CAPN3: variants seen among roughly 807,000 people sequenced by gnomAD.
The protein encoded by CAPN3 is calpain-3.
CAPN3 carries 88 observed loss-of-function variants against 114.0 expected under a neutral mutation model. The observed-to-expected ratio is 0.77, with a 90% CI of 0.65 to 0.92. The LOEUF is 0.92. CAPN3 is among the 40% of genes least tolerant of loss of function. CAPN3 has a pLI of 0.00. For missense variants in CAPN3, 1,028 were observed against 1,069.0 expected, an observed-to-expected ratio of 0.96 and a Z score of 0.53; for synonymous variants, 386 against 382.9, an observed-to-expected ratio of 1.01 and a Z score of -0.09.
chr15:42,365,303 C>T (rs1251523859), intron 1 of CAPN3, among the ~76,000 whole-genome samples: 3 of 152,174 alleles, frequency 2.0e-5, no homozygotes, highest in African/African-American at 7.2e-5. Flanking sequence ...GTTCACAGCC[C>T]TGAATCGGAG....
At chr15:42,376,219 T>C (rs927651838) in intron 1 of CAPN3, among the ~76,000 whole-genome samples, 1 of 152,220 alleles carries the variant, frequency 6.6e-6, no homozygotes, top group African/African-American at 2.4e-5. Context: ...GTGAAGTTAC[T>C]TCTTCCCCTC....
At chr15:42,366,180 C>T (rs537563318) in intron 1 of CAPN3, among the ~76,000 whole-genome samples, 4 of 152,244 alleles carry the variant, frequency 2.6e-5, no homozygotes, top group South Asian at 4.1e-4. Flanking sequence ...AAATGTAAAA[C>T]GTGAGGGAGA....
chr15:42,368,832 A>G (rs2052856027), intron 1 of CAPN3, among the ~76,000 whole-genome samples: 1 of 152,240 alleles, frequency 6.6e-6, no homozygotes, highest in Non-Finnish European at 1.5e-5. Context: ...CGGGTGGATC[A>G]CTTGAGCCCA....
chr15:42,404,218 TCTCA>T (rs1434491647), intron 14 of CAPN3: 4 of 457,194 alleles, frequency 8.7e-6, no homozygotes, highest in South Asian at 3.1e-5. Context: ...CTGTAATCCC[TCTCA>T]CTCAGTTTCC....
chr15:42,394,478 G>A, intron 8 of CAPN3, 137 bp downstream of exon 8: 1 of 759,794 alleles, frequency 1.3e-6, no homozygotes, highest in South Asian at 1.7e-5. Flanking sequence ...CCGCAGAGAA[G>A]AGGGGCACAG....
chr15:42,360,145 T>G lies in CAPN3; in HGVS notation c.309+31T>G, dbSNP rs28364366. 753 of 1,611,242 alleles carry G rather than the reference T, an allele frequency of 4.7e-4. 4 individuals carry two copies. The African/African-American group carries it at 8.9e-3, about 19-fold the overall frequency. On this transcript the variant is annotated intron_variant, in intron 1 of 23. Transcript: ENST00000397163. ...TAGCTTCCTGCTTGCTGGCTGGGTT[T>G]TCCCCCCACGGAGGAGTCCTCTCAC...
intron 1 of CAPN3, among the ~76,000 whole-genome samples, chr15:42,365,198 G>A (rs1336161683): frequency 6.6e-6 from 1 of 152,178 alleles, no homozygotes; most frequent in Admixed American, 6.5e-5. Context: ...TTAGCAGCTG[G>A]ATTAACCCAG....
Position 42,386,380 on chromosome 15 carries a change from CA to C in CAPN3, c.498+96del, listed in dbSNP as rs999943646. ...TTCCCAGAAGCTGGAGGAAACTTCC[CA>C]CCCATCTACCCGCAGCGGCAACAGT... On this transcript the variant is annotated intron_variant, in intron 3 of 23. Transcript: ENST00000397163. The C allele has an allele frequency of 4.1e-5, 36 of 870,892 alleles. No individual in the cohort carries two copies. The African/African-American group carries it at 4.9e-4, about 12-fold the overall frequency. 53.9% of individuals were successfully genotyped at this position (870,892 alleles called of 1,614,324 possible). A position where few individuals can be genotyped will look rare whatever the true frequency, so the allele number is the denominator to read the frequency against.
At chr15:42,375,041 A>G (rs540815656) in intron 1 of CAPN3, among the ~76,000 whole-genome samples, 4 of 148,602 alleles carry the variant, frequency 2.7e-5, no homozygotes, top group African/African-American at 7.4e-5. Flanking sequence ...ATTTATAGAG[A>G]TGGGGCCTCA....
chr15:42,372,631 T>C (rs2052982951), intron 1 of CAPN3, among the ~76,000 whole-genome samples: 2 of 152,188 alleles, frequency 1.3e-5, no homozygotes, highest in South Asian at 4.1e-4. Flanking sequence ...GCGGATTACC[T>C]GAAGTCAGGA....
intron 5 of CAPN3, among the ~76,000 whole-genome samples, chr15:42,389,623 G>A (rs778348545): frequency 6.6e-5 from 10 of 152,284 alleles, no homozygotes; most frequent in Middle Eastern, 3.4e-3. Context: ...TCCTTCAGGG[G>A]GCATGCCTTC....
Position 42,409,840 on chromosome 15 carries a change from C to T in CAPN3, c.2046C>T (p.Asn682=). 6.8e-7 allele frequency: 1 copy of T among 1,461,238 alleles called. No individual in the cohort carries two copies. Among genetic ancestry groups the T allele is most frequent in the Non-Finnish European group, 9.2e-7 (1 of 1,089,628 alleles). The allele number at this position is 1,461,238 out of a possible 1,614,324, so 90.5% of individuals were successfully genotyped here. A position where few individuals can be genotyped will look rare whatever the true frequency, so the allele number is the denominator to read the frequency against. The change falls in exon 18 of 24, where the codon AAC becomes AAT. Residue 682 remains asparagine (N), a synonymous_variant. Coordinates refer to ENST00000397163, the MANE Select transcript of CAPN3 (RefSeq NM_000070.3). ...AGAAGGTCCTTAACACAGTCGTGAA[C>T]AAACGTGAGTTGCTCAAACCAAATG... is the stretch of plus-strand genomic sequence containing the variant. The part of the protein sequence containing the change: ...ELKKVLNTVV[N]KHKDLKTHGF...
intron 7 of CAPN3, among the ~76,000 whole-genome samples, chr15:42,393,242 ATGTAAATAGTTAT>A (rs2053606364): frequency 1.3e-5 from 2 of 152,218 alleles, no homozygotes; most frequent in African/African-American, 4.8e-5. Context: ...TGGAAATGCT[ATGTAAATAGTTAT>A]TGCACTGCAT....
intron 10 of CAPN3, among the ~76,000 whole-genome samples, chr15:42,399,856 C>A (rs1315075375): frequency 2.6e-5 from 4 of 152,192 alleles, no homozygotes; most frequent in African/African-American, 4.8e-5. Context: ...ACTGTGGGAA[C>A]AATGCAGATG....
At chr15:42,383,052 C>T (rs901055372) in intron 1 of CAPN3, among the ~76,000 whole-genome samples, 3 of 152,178 alleles carry the variant, frequency 2.0e-5, no homozygotes, top group Admixed American at 6.5e-5. Context: ...TTTTTGAAAA[C>T]GATTGTTTTG....
intron 1 of CAPN3, among the ~76,000 whole-genome samples, chr15:42,368,412 C>T (rs1034065090): frequency 3.3e-5 from 5 of 152,144 alleles, no homozygotes; most frequent in Admixed American, 6.5e-5. Context: ...GGAGGAAATA[C>T]GTGTGTCAGA....
chr15:42,408,799 C>T, intron 16 of CAPN3: 1 of 312,948 alleles, frequency 3.2e-6, no homozygotes. Context: ...CAAAAGTCTC[C>T]AGACCAATCC....
intron 22 of CAPN3, 118 bp from the exon 23 acceptor site, chr15:42,411,169 T>A: frequency 9.7e-7 from 1 of 1,032,688 alleles, no homozygotes; most frequent in Non-Finnish European, 1.5e-6. Flanking sequence ...ATTCTCTGCC[T>A]GCACATCTTT....
At chr15:42,385,752 T>C (rs2053384930) in intron 2 of CAPN3, 1 of 523,076 alleles carries the variant, frequency 1.9e-6, no homozygotes, top group Non-Finnish European at 3.8e-6. Flanking sequence ...TCTCTGAGGC[T>C]CAGTCTTCGC....
Sources: allele counts gnomAD v4.1 joint callset (sites outside exome capture counted in the v4.1 genomes callset), GRCh38; gene constraint gnomAD v4.1.1; transcripts MANE v1.5; gene names NCBI Gene and HGNC (gene_info 2026-07-23, HGNC 2026-07-21).